Variants in ARHGAP15 observed in about 807,000 individuals in gnomAD.
ARHGAP15 encodes the protein rho GTPase-activating protein 15.
A neutral mutation model predicts 63.7 loss-of-function variants in ARHGAP15; 51 were observed. The observed-to-expected ratio is 0.80, with a 90% CI of 0.64 to 1.01. The LOEUF is 1.01. ARHGAP15 is among the 50% of genes least tolerant of loss of function. The pLI is 0.00. For synonymous variants in ARHGAP15, 191 were observed against 193.8 expected, an observed-to-expected ratio of 0.99 and a Z score of 0.12; for missense variants, 560 against 564.6, an observed-to-expected ratio of 0.99 and a Z score of 0.08.
intron 13 of ARHGAP15, among the ~76,000 whole-genome samples, chr2:143,748,049 A>C (rs1686235042): frequency 6.6e-6 from 1 of 152,192 alleles, no homozygotes. Flanking sequence ...TTAATTTTAG[A>C]ATATAGAACA....
At chr2:143,131,894 AAC>A (rs929950352) in intron 1 of ARHGAP15, among the ~76,000 whole-genome samples, 3 of 152,128 alleles carry the variant, frequency 2.0e-5, no homozygotes, top group African/African-American at 7.2e-5. Flanking sequence ...GTGGCATTTA[AAC>A]ACAGAATTTC....
chr2:143,678,230 A>G (rs540229631), intron 12 of ARHGAP15, among the ~76,000 whole-genome samples: 42 of 152,288 alleles, frequency 2.8e-4, no homozygotes, highest in African/African-American at 9.9e-4. Context: ...AAAGGAAAGA[A>G]AGAGAGAAGA....
chr2:143,400,716 C>T (rs960259486), intron 6 of ARHGAP15, among the ~76,000 whole-genome samples: 2 of 151,762 alleles, frequency 1.3e-5, no homozygotes, highest in African/African-American at 4.8e-5. Flanking sequence ...TAGGGTGTTC[C>T]GTCCTTCTTA....
At chr2:143,152,522 G>T (rs1007148082) in intron 1 of ARHGAP15, among the ~76,000 whole-genome samples, 1 of 151,932 alleles carries the variant, frequency 6.6e-6, no homozygotes, top group African/African-American at 2.4e-5. Flanking sequence ...ACCAAACTCT[G>T]GGGCACTTGA....
chr2:143,398,470 T>TGG (rs1415632440), intron 6 of ARHGAP15, among the ~76,000 whole-genome samples: 3 of 152,068 alleles, frequency 2.0e-5, no homozygotes, highest in African/African-American at 7.2e-5. Flanking sequence ...CACAGATGAC[T>TGG]GGGTTAAGAG....
chr2:143,308,726 AG>A (rs1683295782), intron 6 of ARHGAP15, among the ~76,000 whole-genome samples: 1 of 152,052 alleles, frequency 6.6e-6, no homozygotes, highest in South Asian at 2.1e-4. Flanking sequence ...TTTGGTTTAA[AG>A]ACCATTATAA....
chr2:143,456,844 A>AG (rs10653263), intron 8 of ARHGAP15, among the ~76,000 whole-genome samples: 1 of 150,764 alleles, frequency 6.6e-6, no homozygotes, highest in Non-Finnish European at 1.5e-5. Context: ...TGAAAGACAG[A>AG]TTTGTGCAGA....
chr2:143,370,360 A>C, intron 6 of ARHGAP15, among the ~76,000 whole-genome samples: 1 of 146,260 alleles, frequency 6.8e-6, no homozygotes, highest in African/African-American at 2.5e-5. Context: ...GGGTGGGGGA[A>C]GGGGGGAGGG....
At chr2:143,674,879 G>T (rs191128494) in intron 12 of ARHGAP15, among the ~76,000 whole-genome samples, 84 of 152,230 alleles carry the variant, frequency 5.5e-4, no homozygotes, top group Non-Finnish European at 1.1e-3. Context: ...TGATCAGGGT[G>T]GGGGGTTGCT....
chr2:143,561,189 G>T (rs1333657241), intron 11 of ARHGAP15, among the ~76,000 whole-genome samples: 1 of 152,126 alleles, frequency 6.6e-6, no homozygotes, highest in Non-Finnish European at 1.5e-5. Flanking sequence ...ATTGATACTT[G>T]GGTTTGAGCT....
At chr2:143,561,144 A>AAATTCC (rs896469641) in intron 11 of ARHGAP15, among the ~76,000 whole-genome samples, 3 of 152,160 alleles carry the variant, frequency 2.0e-5, no homozygotes, top group Non-Finnish European at 2.9e-5. Context: ...AAAGTCTTGG[A>AAATTCC]AATTCCCCTA....
intron 13 of ARHGAP15, among the ~76,000 whole-genome samples, chr2:143,735,803 T>C (rs1199315589): frequency 6.6e-6 from 1 of 152,148 alleles, no homozygotes; most frequent in South Asian, 2.1e-4. Flanking sequence ...AACTACAATA[T>C]TTTTTGTCCA....
intron 10 of ARHGAP15, among the ~76,000 whole-genome samples, chr2:143,523,439 T>G (rs1269458500): frequency 1.3e-5 from 2 of 152,180 alleles, no homozygotes; most frequent in Non-Finnish European, 2.9e-5. Context: ...AATTTTGCCT[T>G]ATTTTGCAAG....
chr2:143,320,408 A>AC lies in ARHGAP15; in HGVS notation c.474+69822dup, dbSNP rs1157521605. Among the ~76,000 whole-genome samples the AC allele has an allele frequency of 2.8e-3, 74 of 26,296 alleles. No individual in the cohort carries two copies. The East Asian group carries it at 0.039, about 14-fold the overall frequency. 17.3% of individuals were successfully genotyped at this position (26,296 alleles called of 152,430 possible). A position where few individuals can be genotyped will look rare whatever the true frequency, so the allele number is the denominator to read the frequency against. ...AAATGCCACAAATCAGGACTTCCCC[A>AC]CCCCCCCCCCCCCCAGAGATCCTAT... On this transcript the variant is annotated intron_variant, in intron 6 of 13. Transcript: ENST00000295095.
chr2:143,280,098 T>C (rs1460943884), intron 6 of ARHGAP15, among the ~76,000 whole-genome samples: 1 of 152,188 alleles, frequency 6.6e-6, no homozygotes, highest in Non-Finnish European at 1.5e-5. Context: ...CAAGTCAAAA[T>C]GACAGATTCT....
At chr2:143,731,694 C>G (rs181004946) in intron 13 of ARHGAP15, among the ~76,000 whole-genome samples, 57 of 152,318 alleles carry the variant, frequency 3.7e-4, no homozygotes, top group Non-Finnish European at 6.0e-4. Context: ...GAATTTGATG[C>G]TTGCATATAG....
intron 13 of ARHGAP15, chr2:143,703,776 A>G: frequency 3.1e-6 from 1 of 323,664 alleles, no homozygotes; most frequent in Non-Finnish European, 5.6e-6. Flanking sequence ...ATTGCTTGTC[A>G]GAACCATCGC....
chr2:143,471,565 GAA>G (rs937449232), intron 8 of ARHGAP15, among the ~76,000 whole-genome samples: 1 of 152,096 alleles, frequency 6.6e-6, no homozygotes, highest in Non-Finnish European at 1.5e-5. Context: ...CCTAAGTGGG[GAA>G]AACTTACAAT....
At chr2:143,372,074 T>G (rs955559435) in intron 6 of ARHGAP15, among the ~76,000 whole-genome samples, 3 of 151,846 alleles carry the variant, frequency 2.0e-5, no homozygotes, top group Non-Finnish European at 4.4e-5. Context: ...GCACAGTGAC[T>G]CACACCTGTA....
Sources: gnomAD v4.1 joint callset for allele counts (sites outside exome capture counted in the v4.1 genomes callset) on GRCh38, gnomAD v4.1.1 for gene constraint, MANE v1.5 for transcripts, NCBI Gene and HGNC (gene_info 2026-07-23, HGNC 2026-07-21) for gene names.